ANO10: variants seen among roughly 807,000 people sequenced by gnomAD.
The protein encoded by ANO10 is anoctamin 10, also known as anoctamin-10.
A neutral mutation model predicts 74.7 loss-of-function variants in ANO10; 77 were observed. The ratio of observed to expected loss-of-function variants is 1.03; its 90% CI spans 0.86 to 1.25. The LOEUF (loss-of-function observed/expected upper bound fraction) is 1.25. ANO10 is among the 50% of genes most tolerant of loss of function. The pLI is 0.00. For synonymous variants in ANO10, 279 were observed against 284.9 expected (o/e 0.98, Z 0.21); for missense variants, 721 against 778.1 (o/e 0.93, Z 0.87).
intron 12 of ANO10, among the ~76,000 whole-genome samples, chr3:43,393,076 T>C (rs1020479849): frequency 3.3e-5 from 5 of 152,246 alleles, no homozygotes; most frequent in African/African-American, 1.2e-4. Context: ...AGAGAGACCA[T>C]GCACACCCAT....
chr3:43,595,417 G>A (rs2082027468), intron 4 of ANO10, among the ~76,000 whole-genome samples: 1 of 152,088 alleles, frequency 6.6e-6, no homozygotes, highest in South Asian at 2.1e-4. Context: ...TATCCACCAT[G>A]ATCAAGTGGG....
At chr3:43,593,116 G>C (rs2081884357) in intron 4 of ANO10, among the ~76,000 whole-genome samples, 1 of 152,214 alleles carries the variant, frequency 6.6e-6, no homozygotes. Flanking sequence ...TATGTGAAAA[G>C]ACCAAATCTA....
intron 11 of ANO10, among the ~76,000 whole-genome samples, chr3:43,454,104 G>A (rs780523625): frequency 5.9e-5 from 9 of 152,216 alleles, no homozygotes; most frequent in Non-Finnish European, 1.3e-4. Flanking sequence ...CTGAAGGAAG[G>A]AAGCTGGGCA....
chr3:43,504,590 T>A (rs947805764), intron 11 of ANO10, among the ~76,000 whole-genome samples: 1 of 152,124 alleles, frequency 6.6e-6, no homozygotes, highest in African/African-American at 2.4e-5. Flanking sequence ...TTTATGTAGT[T>A]TAGAGGAAAA....
chr3:43,375,687 G>A (rs74564986), intron 12 of ANO10, among the ~76,000 whole-genome samples: 1,698 of 152,188 alleles, frequency 0.011, 25 homozygotes, highest in African/African-American at 0.035. Context: ...AATCCTTGAA[G>A]TCACAACTTC....
chr3:43,419,322 T>C (rs1307656357), intron 12 of ANO10, among the ~76,000 whole-genome samples: 1 of 152,214 alleles, frequency 6.6e-6, no homozygotes, highest in Non-Finnish European at 1.5e-5. Context: ...GCATAAATAC[T>C]AGGCAGCAGG....
chr3:43,369,563 G>T (rs1263103678), intron 12 of ANO10, among the ~76,000 whole-genome samples: 1 of 152,220 alleles, frequency 6.6e-6, no homozygotes, highest in Non-Finnish European at 1.5e-5. Context: ...GATGTCTCAA[G>T]GCCAGCTTGG....
chr3:43,623,710 G>C (rs1454870014), upstream of ANO10, among the ~76,000 whole-genome samples: 8 of 152,186 alleles, frequency 5.3e-5, no homozygotes. Flanking sequence ...GAAAGGAGCA[G>C]AAGACTCGTT....
At chr3:43,431,174 GCAATTCTCCCAGCTCAGC>G (rs2092975114) in intron 12 of ANO10, among the ~76,000 whole-genome samples, 1 of 151,554 alleles carries the variant, frequency 6.6e-6, no homozygotes, top group East Asian at 1.9e-4. Flanking sequence ...CTAGGCTCAA[GCAATTCTCCCAGCTCAGC>G]CTCCCAAGTA....
intron 12 of ANO10, among the ~76,000 whole-genome samples, chr3:43,428,498 A>G (rs1473093185): frequency 6.6e-6 from 1 of 152,164 alleles, no homozygotes; most frequent in Non-Finnish European, 1.5e-5. Context: ...TGGATCAGAG[A>G]CATTAGAGCT....
intron 11 of ANO10, among the ~76,000 whole-genome samples, chr3:43,435,822 T>G (rs2093057860): frequency 6.6e-6 from 1 of 152,230 alleles, no homozygotes; most frequent in Admixed American, 6.5e-5. Context: ...TAGCAAGTTA[T>G]TTCTTGCTAT....
intron 11 of ANO10, among the ~76,000 whole-genome samples, chr3:43,544,610 T>C (rs556581392): frequency 1.5e-4 from 23 of 151,956 alleles, no homozygotes; most frequent in Admixed American, 5.9e-4. Flanking sequence ...CTGGCCAAAA[T>C]GGTGAAACCC....
intron 12 of ANO10, among the ~76,000 whole-genome samples, chr3:43,374,653 G>T (rs558328369): frequency 6.6e-6 from 1 of 152,208 alleles, no homozygotes; most frequent in Admixed American, 6.5e-5. Context: ...ATGAGATCTT[G>T]CGAGTATCTC....
chr3:43,475,357 C>T (rs1046757890), intron 11 of ANO10, among the ~76,000 whole-genome samples: 3 of 152,136 alleles, frequency 2.0e-5, no homozygotes, highest in African/African-American at 7.2e-5. Context: ...GGTCTCCCCA[C>T]CCAAAGATCA....
At chr3:43,594,337 C>A (rs2081968261) in intron 4 of ANO10, among the ~76,000 whole-genome samples, 1 of 152,166 alleles carries the variant, frequency 6.6e-6, no homozygotes, top group Admixed American at 6.5e-5. Context: ...CACACTTATT[C>A]CAAAATTGAC....
At chr3:43,615,192 C>G (rs2083035720) in intron 1 of ANO10, among the ~76,000 whole-genome samples, 1 of 152,086 alleles carries the variant, frequency 6.6e-6, no homozygotes, top group African/African-American at 2.4e-5. Flanking sequence ...ATCCTCACCC[C>G]TTGAAGAAGA....
chr3:43,612,677 C>G (rs2082887112), intron 1 of ANO10, among the ~76,000 whole-genome samples: 1 of 152,312 alleles, frequency 6.6e-6, no homozygotes, highest in Admixed American at 6.5e-5. Flanking sequence ...GTAAATCAAA[C>G]TCAAGGGAAC....
intron 11 of ANO10, among the ~76,000 whole-genome samples, chr3:43,509,231 G>A (rs986939140): frequency 2.6e-5 from 4 of 151,904 alleles, no homozygotes; most frequent in Non-Finnish European, 2.9e-5. Flanking sequence ...GGTGGAGGGA[G>A]GGGAGAGGGA....
At chr3:43,529,885 G>C (rs2078380331) in intron 11 of ANO10, among the ~76,000 whole-genome samples, 2 of 152,016 alleles carry the variant, frequency 1.3e-5, no homozygotes, top group Non-Finnish European at 2.9e-5. Flanking sequence ...TAATACCAGA[G>C]TATATATAAC....
Sources: allele counts gnomAD v4.1 joint callset (sites outside exome capture counted in the v4.1 genomes callset), GRCh38; gene constraint gnomAD v4.1.1; transcripts MANE v1.5; gene names NCBI Gene and HGNC (gene_info 2026-07-23, HGNC 2026-07-21).